Variants in EPB41L5 observed in about 807,000 individuals in gnomAD.
The protein encoded by EPB41L5 is erythrocyte membrane protein band 4.1 like 5, also known as band 4.1-like protein 5.
In EPB41L5, 55 loss-of-function variants were observed where a neutral mutation model predicts 106.6. That is an observed-to-expected ratio of 0.52 (90% CI 0.42 to 0.65). The LOEUF is 0.65. Among genes scored for constraint, EPB41L5 ranks in the 30% least tolerant of loss-of-function variants. The pLI is 0.00. For synonymous variants in EPB41L5, 297 were observed against 306.7 expected (o/e 0.97, Z 0.33); for missense variants, 871 against 882.1 (o/e 0.99, Z 0.16).
intron 10 of EPB41L5, among the ~76,000 whole-genome samples, chr2:120,080,174 A>G (rs773750603): frequency 1.3e-5 from 2 of 151,238 alleles, no homozygotes; most frequent in Non-Finnish European, 2.9e-5. Flanking sequence ...TTTGTTACGT[A>G]TGTATACATG....
intron 18 of EPB41L5, among the ~76,000 whole-genome samples, chr2:120,136,133 G>A (rs184403280): frequency 2.0e-5 from 3 of 150,020 alleles, no homozygotes; most frequent in Admixed American, 2.0e-4. Flanking sequence ...GTTTTTATTA[G>A]TTTTCTCTTT....
intron 10 of EPB41L5, 80 bp from the exon 11 acceptor site, chr2:120,087,091 A>T: frequency 1.2e-6 from 1 of 866,366 alleles, no homozygotes; most frequent in Non-Finnish European, 1.8e-6. Flanking sequence ...GGTTAAATGT[A>T]TTTGAAATAA....
chr2:120,064,002 G>C (rs1215761443), intron 3 of EPB41L5, among the ~76,000 whole-genome samples: 1 of 151,848 alleles, frequency 6.6e-6, no homozygotes, highest in Non-Finnish European at 1.5e-5. Context: ...ATGCAGAAAG[G>C]CACAGTGGAA....
intron 3 of EPB41L5, among the ~76,000 whole-genome samples, chr2:120,067,394 G>C (rs1681516688): frequency 6.6e-6 from 1 of 152,180 alleles, no homozygotes; most frequent in Admixed American, 6.5e-5. Flanking sequence ...TTGGCTCTGT[G>C]AACTAGTTAG....
intron 10 of EPB41L5, among the ~76,000 whole-genome samples, chr2:120,081,635 A>G (rs528376134): frequency 5.3e-5 from 8 of 152,242 alleles, no homozygotes; most frequent in South Asian, 2.1e-4. Context: ...GTTTTTTCCA[A>G]TTCTGTGAAG....
chr2:120,068,586 G>A (rs957048980), intron 3 of EPB41L5, among the ~76,000 whole-genome samples: 5 of 152,208 alleles, frequency 3.3e-5, no homozygotes, highest in African/African-American at 9.6e-5. Flanking sequence ...AAACAAAGCC[G>A]CCAGGAAGTT....
chr2:120,089,215 A>G (rs1683252106), intron 11 of EPB41L5, among the ~76,000 whole-genome samples: 1 of 152,142 alleles, frequency 6.6e-6, no homozygotes, highest in Non-Finnish European at 1.5e-5. Flanking sequence ...TAACCATCTT[A>G]TTAATGATCT....
chr2:120,075,664 A>T lies in EPB41L5; in HGVS notation c.453-37A>T, dbSNP rs761839603. The T allele has an allele frequency of 1.9e-6, 3 of 1,575,168 alleles. No individual in the cohort carries two copies. In the Admixed American group the frequency reaches 5.0e-5, roughly 26 times the overall value. Reference sequence around the variant, plus strand: ...ATTTGTCTTAAAATGAAGGTTATGAAATCAACTTGTCTAACAAACTTGTGT... The same window carrying T: ...ATTTGTCTTAAAATGAAGGTTATGATATCAACTTGTCTAACAAACTTGTGT... On this transcript the variant is annotated intron_variant, in intron 6 of 24. Transcript: ENST00000263713.
intron 1 of EPB41L5, 48 bp from the exon 2 acceptor site, chr2:120,019,029 G>T: frequency 6.7e-7 from 1 of 1,492,186 alleles, no homozygotes; most frequent in East Asian, 2.3e-5. Flanking sequence ...AAGTTGTGGA[G>T]AATCTCATTT....
chr2:120,163,258 GCCCC>G (rs372952438), intron 21 of EPB41L5, among the ~76,000 whole-genome samples: 1 of 87,508 alleles, frequency 1.1e-5, no homozygotes, highest in African/African-American at 4.8e-5. Flanking sequence ...GTGTCCCTCT[GCCCC>G]CCCCCCCCCC....
chr2:120,134,528 C>T (rs1003348282), intron 18 of EPB41L5, among the ~76,000 whole-genome samples: 15 of 152,182 alleles, frequency 9.9e-5, no homozygotes, highest in African/African-American at 3.6e-4. Context: ...TCTGACTCAG[C>T]ACAGTGTCAG....
Position 120,014,496 on chromosome 2 carries a change from A to G in EPB41L5, c.-9+1286A>G, listed in dbSNP as rs549614068. Among the ~76,000 whole-genome samples, 12 of 152,346 alleles carry G rather than the reference A, an allele frequency of 7.9e-5. No individual in the cohort carries two copies. In the East Asian group the frequency reaches 2.1e-3, roughly 27 times the overall value. Reference sequence around the variant, plus strand: ...GTGGGGGAAGTAGTCAGTAAAAAAGATAATAATTAACAGATATTTAATTAC... The same window carrying G: ...GTGGGGGAAGTAGTCAGTAAAAAAGGTAATAATTAACAGATATTTAATTAC... On this transcript the variant is annotated intron_variant, in intron 1 of 24. Coordinates refer to ENST00000263713, the MANE Select transcript of EPB41L5 (RefSeq NM_020909.4).
At chr2:120,127,956 T>G in intron 17 of EPB41L5, 105 bp downstream of exon 17, 1 of 1,062,096 alleles carries the variant, frequency 9.4e-7, no homozygotes, top group Non-Finnish European at 1.3e-6. Flanking sequence ...TAGTTCAACT[T>G]TTAAATTTAA....
chr2:120,160,028 A>T (rs1216053007), intron 20 of EPB41L5, among the ~76,000 whole-genome samples: 1 of 152,240 alleles, frequency 6.6e-6, no homozygotes, highest in Admixed American at 6.5e-5. Flanking sequence ...GAACACGTGG[A>T]CACATAGAGG....
At position 120,142,998 on chromosome 2, in the gene EPB41L5, T is replaced by C. The variant is rs1188332787; in HGVS notation, c.1600-5T>C. 1.2e-6 allele frequency: 2 copies of C among 1,610,254 alleles called. No individual in the cohort carries two copies. Among genetic ancestry groups the C allele is most frequent in the Admixed American group, 3.3e-5 (2 of 59,902 alleles). ...TTGATTATAGTATATTTTTAAAATA[T>C]CTAGGAGGAAGTGGTGAAGTTGACT... On this transcript the variant is annotated splice_polypyrimidine_tract_variant and splice_region_variant and intron_variant, in intron 18 of 24. Coordinates refer to ENST00000263713, the MANE Select transcript of EPB41L5 (RefSeq NM_020909.4).
At chr2:120,167,529 T>A in intron 23 of EPB41L5, 22 bp downstream of exon 23, 1 of 1,612,984 alleles carries the variant, frequency 6.2e-7, no homozygotes, top group Non-Finnish European at 8.5e-7. Flanking sequence ...TTATTTGTGA[T>A]TTTTCTTCTG....
intron 2 of EPB41L5, among the ~76,000 whole-genome samples, chr2:120,019,567 G>C (rs1456266290): frequency 6.6e-6 from 1 of 152,204 alleles, no homozygotes; most frequent in Non-Finnish European, 1.5e-5. Flanking sequence ...GGCAGCACAT[G>C]ATGTAGTCTA....
At position 120,106,928 on chromosome 2, in the gene EPB41L5, A is replaced by G. The variant is rs72841624; in HGVS notation, c.1337+6114A>G. ...TTTTATTTGTCCTACTATGTGTATA[A>G]TATGTCTGTTTTGAAAAGCACCTAG... On this transcript the variant is annotated intron_variant, in intron 16 of 24. Coordinates refer to ENST00000263713, the MANE Select transcript of EPB41L5 (RefSeq NM_020909.4). 1.7e-3 allele frequency: 1,607 copies of G among 949,792 alleles called. 10 individuals are homozygous for G. Among genetic ancestry groups the G allele is most frequent in the Non-Finnish European group, 1.5e-3 (1,212 of 797,524 alleles). 58.8% of individuals were successfully genotyped at this position (949,792 alleles called of 1,614,324 possible). A position where few individuals can be genotyped will look rare whatever the true frequency, so the allele number is the denominator to read the frequency against.
At chr2:120,120,471 A>G (rs13029470) in intron 16 of EPB41L5, among the ~76,000 whole-genome samples, 3 of 151,126 alleles carry the variant, frequency 2.0e-5, no homozygotes, top group Non-Finnish European at 4.4e-5. Context: ...AAGAAAAAAG[A>G]AAAAAAAGCT....
Sources: allele counts gnomAD v4.1 joint callset (sites outside exome capture counted in the v4.1 genomes callset), GRCh38; gene constraint gnomAD v4.1.1; transcripts MANE v1.5; gene names NCBI Gene and HGNC (gene_info 2026-07-23, HGNC 2026-07-21).